Variants in TRAPPC9 observed in about 807,000 individuals in gnomAD.
TRAPPC9 encodes the protein trafficking protein particle complex subunit 9, also known as IKK2 binding protein.
Under a neutral mutation model 124.0 loss-of-function variants are expected in TRAPPC9, and 83 were observed. The observed-to-expected ratio is 0.67, with a 90% CI of 0.56 to 0.80. TRAPPC9 has a LOEUF of 0.80. TRAPPC9 is among the 30% of genes least tolerant of loss of function. The pLI is 0.00. For synonymous variants in TRAPPC9, 638 were observed against 617.5 expected (o/e 1.03, Z -0.49); for missense variants, 1,302 against 1,508.3 (o/e 0.86, Z 2.27).
chr8:139,829,266 G>A (rs531392023), intron 21 of TRAPPC9, among the ~76,000 whole-genome samples: 2 of 152,374 alleles, frequency 1.3e-5, no homozygotes, highest in Non-Finnish European at 1.5e-5. Flanking sequence ...GCTTTGGTGC[G>A]TGCACCACTT....
rs182404643 is a variant in TRAPPC9 at position 140,066,619 on chromosome 8, T to C, written c.2557-42540A>G. ...AGACTACAATTTGTAAATACGTCAA[T>C]GTAAAGACATTAATCAGTGAGTAAT... On this transcript the variant is annotated intron_variant, in intron 17 of 22. Coordinates refer to ENST00000438773, the MANE Select transcript of TRAPPC9 (RefSeq NM_001160372.4). 2.0e-4 allele frequency among the ~76,000 whole-genome samples: 30 copies of C among 152,350 alleles called. No individual in the cohort carries two copies. In the East Asian group the frequency reaches 5.6e-3, roughly 28 times the overall value.
intron 19 of TRAPPC9, among the ~76,000 whole-genome samples, chr8:139,926,162 A>C (rs1012214348): frequency 3.3e-5 from 5 of 152,266 alleles, no homozygotes; most frequent in African/African-American, 1.2e-4. Context: ...GTCACACTGG[A>C]GAGACCCAGA....
Position 139,734,584 on chromosome 8 carries a change from A to T in TRAPPC9, c.3056-2382T>A, listed in dbSNP as rs937474108. On this transcript the variant is annotated intron_variant, in intron 21 of 22. Transcript: ENST00000438773. ...CCAGGAAGGCTGGAGGCCTGTGCCCATTCCCCATCCTCAGGGCTGGAGCTG... is the reference window on the plus strand; with the variant it reads ...CCAGGAAGGCTGGAGGCCTGTGCCCTTTCCCCATCCTCAGGGCTGGAGCTG... Among the ~76,000 whole-genome samples, 8 of 152,362 alleles carry T rather than the reference A, an allele frequency of 5.3e-5. No individual in the cohort carries two copies. The East Asian group carries it at 7.7e-4, about 15-fold the overall frequency.
intron 14 of TRAPPC9, among the ~76,000 whole-genome samples, chr8:140,280,205 C>T (rs749887837): frequency 3.3e-5 from 5 of 152,224 alleles, no homozygotes; most frequent in African/African-American, 1.2e-4. Flanking sequence ...GGAGTCTGAG[C>T]GTCTGGCTGT....
intron 17 of TRAPPC9, among the ~76,000 whole-genome samples, chr8:140,189,940 C>T (rs968526288): frequency 1.3e-5 from 2 of 152,140 alleles, no homozygotes; most frequent in Non-Finnish European, 2.9e-5. Flanking sequence ...ACAGGGCAGA[C>T]GCACGGCCTC....
intron 21 of TRAPPC9, among the ~76,000 whole-genome samples, chr8:139,857,604 G>C (rs567107067): frequency 6.6e-6 from 1 of 152,234 alleles, no homozygotes; most frequent in East Asian, 1.9e-4. Flanking sequence ...AACAGCCGGA[G>C]CAGCCACAGG....
intron 18 of TRAPPC9, among the ~76,000 whole-genome samples, chr8:140,000,928 C>T (rs1838348868): frequency 6.6e-6 from 1 of 152,188 alleles, no homozygotes; most frequent in African/African-American, 2.4e-5. Context: ...AAGACACATG[C>T]ACACGTATGT....
At chr8:140,090,351 C>T (rs907561298) in intron 17 of TRAPPC9, among the ~76,000 whole-genome samples, 67 of 152,178 alleles carry the variant, frequency 4.4e-4, no homozygotes, top group African/African-American at 1.3e-3. Context: ...GCCCTCCTAC[C>T]GCACGCCACA....
chr8:140,044,906 G>T (rs76999704), intron 17 of TRAPPC9, among the ~76,000 whole-genome samples: 4 of 152,270 alleles, frequency 2.6e-5, no homozygotes, highest in African/African-American at 9.6e-5. Context: ...TAACTTACAC[G>T]CAGTAATATA....
intron 17 of TRAPPC9, among the ~76,000 whole-genome samples, chr8:140,030,235 T>C (rs1416067488): frequency 6.6e-6 from 1 of 152,224 alleles, no homozygotes; most frequent in African/African-American, 2.4e-5. Flanking sequence ...GATTAAGATG[T>C]AGCTGTAATA....
chr8:139,849,943 T>G (rs1199793514), intron 21 of TRAPPC9, among the ~76,000 whole-genome samples: 1 of 152,132 alleles, frequency 6.6e-6, no homozygotes, highest in Non-Finnish European at 1.5e-5. Context: ...TGGAATGGTC[T>G]GAGGGCCTGA....
intron 8 of TRAPPC9, among the ~76,000 whole-genome samples, chr8:140,365,817 C>T (rs1011505709): frequency 2.6e-5 from 4 of 152,226 alleles, no homozygotes; most frequent in African/African-American, 4.8e-5. Context: ...GTGAAGGTTA[C>T]ACTGGTAAAC....
chr8:139,970,812 A>G (rs994162225), intron 19 of TRAPPC9, among the ~76,000 whole-genome samples: 4 of 152,128 alleles, frequency 2.6e-5, no homozygotes, highest in African/African-American at 9.7e-5. Flanking sequence ...CCCTTTGTCC[A>G]GGATCACAGT....
intron 19 of TRAPPC9, among the ~76,000 whole-genome samples, chr8:139,912,505 AG>A (rs1251630834): frequency 6.6e-6 from 1 of 152,214 alleles, no homozygotes; most frequent in Admixed American, 6.5e-5. Flanking sequence ...ACTGACTCTC[AG>A]GAACTGTTCC....
intron 21 of TRAPPC9, among the ~76,000 whole-genome samples, chr8:139,876,691 A>C (rs1829342656): frequency 6.6e-6 from 1 of 152,144 alleles, no homozygotes; most frequent in African/African-American, 2.4e-5. Context: ...TCAATCAATC[A>C]ATCAACATCC....
At chr8:139,798,468 G>C (rs911497077) in intron 21 of TRAPPC9, among the ~76,000 whole-genome samples, 3 of 152,228 alleles carry the variant, frequency 2.0e-5, no homozygotes, top group Admixed American at 2.0e-4. Context: ...GGGTTGATGT[G>C]TAACCCAGGA....
intron 21 of TRAPPC9, among the ~76,000 whole-genome samples, chr8:139,795,269 A>G (rs1397797386): frequency 6.6e-6 from 1 of 151,948 alleles, no homozygotes; most frequent in Admixed American, 6.6e-5. Flanking sequence ...TTATCAGACA[A>G]TTACGGTGAG....
chr8:140,261,829 C>T (rs1372874528), intron 15 of TRAPPC9, among the ~76,000 whole-genome samples: 1 of 152,134 alleles, frequency 6.6e-6, no homozygotes, highest in Non-Finnish European at 1.5e-5. Context: ...ACACCCAGAT[C>T]AGGAGGAGTG....
intron 7 of TRAPPC9, among the ~76,000 whole-genome samples, chr8:140,386,763 T>A (rs918671449): frequency 3.9e-5 from 6 of 152,172 alleles, no homozygotes; most frequent in Non-Finnish European, 8.8e-5. Context: ...ATAGATTCAA[T>A]GCCATCCCCA....
Sources: gnomAD v4.1 joint callset for allele counts (sites outside exome capture counted in the v4.1 genomes callset) on GRCh38, gnomAD v4.1.1 for gene constraint, MANE v1.5 for transcripts, NCBI Gene and HGNC (gene_info 2026-07-23, HGNC 2026-07-21) for gene names.